IGF1R: variants seen among roughly 807,000 people sequenced by gnomAD.
IGF1R encodes insulin like growth factor 1 receptor, also known as insulin-like growth factor 1 receptor.
In IGF1R, 44 loss-of-function variants were observed where a neutral mutation model predicts 144.6. The observed-to-expected ratio is 0.30, with a 90% CI of 0.24 to 0.39. IGF1R has a LOEUF of 0.39. Among genes scored for constraint, IGF1R ranks in the 10% least tolerant of loss-of-function variants. IGF1R has a pLI of 1.00. For synonymous variants in IGF1R, 795 were observed against 722.8 expected, an observed-to-expected ratio of 1.10 and a Z score of -1.60; for missense variants, 1,355 against 1,833.7, an observed-to-expected ratio of 0.74 and a Z score of 4.77.
intron 1 of IGF1R, among the ~76,000 whole-genome samples, chr15:98,695,969 C>T (rs964462746): frequency 1.2e-4 from 18 of 147,996 alleles, no homozygotes; most frequent in Admixed American, 4.0e-4. Flanking sequence ...GGGTCTCTCC[C>T]CTGGCCCCTT....
intron 15 of IGF1R, among the ~76,000 whole-genome samples, chr15:98,931,205 A>G (rs189634016): frequency 1.7e-3 from 254 of 152,302 alleles, no homozygotes; most frequent in South Asian, 3.3e-3. Context: ...GCAGGCAAGG[A>G]AACAGCCCTC....
intron 2 of IGF1R, among the ~76,000 whole-genome samples, chr15:98,732,632 C>G (rs1430207906): frequency 6.6e-6 from 1 of 152,000 alleles, no homozygotes; most frequent in Non-Finnish European, 1.5e-5. Flanking sequence ...GAAGTTGGGG[C>G]AGGTAGAGGA....
chr15:98,664,889 T>C (rs2052693031), intron 1 of IGF1R, among the ~76,000 whole-genome samples: 1 of 152,012 alleles, frequency 6.6e-6, no homozygotes, highest in East Asian at 1.9e-4. Context: ...TGGGTGTGTA[T>C]TGATTCTGAT....
intron 2 of IGF1R, among the ~76,000 whole-genome samples, chr15:98,829,191 A>G (rs183855291): frequency 6.2e-4 from 94 of 152,336 alleles, no homozygotes; most frequent in African/African-American, 2.0e-3. Flanking sequence ...GGCATGTAGA[A>G]TGGCAGAAGA....
intron 2 of IGF1R, among the ~76,000 whole-genome samples, chr15:98,866,034 A>G (rs1225217214): frequency 2.6e-5 from 4 of 152,226 alleles, no homozygotes; most frequent in African/African-American, 7.2e-5. Flanking sequence ...TAGTGCACAT[A>G]TGCACGGGGC....
chr15:98,703,111 C>T (rs1335165177), intron 1 of IGF1R, among the ~76,000 whole-genome samples: 2 of 152,056 alleles, frequency 1.3e-5, no homozygotes, highest in East Asian at 3.9e-4. Flanking sequence ...CCCCACTGTC[C>T]CCATCTTCCA....
intron 2 of IGF1R, among the ~76,000 whole-genome samples, chr15:98,826,172 A>G (rs1456946587): frequency 2.0e-5 from 3 of 152,240 alleles, no homozygotes; most frequent in African/African-American, 7.2e-5. Context: ...AATCTGGATG[A>G]CTGCATATTG....
intron 15 of IGF1R, among the ~76,000 whole-genome samples, chr15:98,932,497 G>A (rs1567207590): frequency 6.6e-6 from 1 of 152,186 alleles, no homozygotes; most frequent in Admixed American, 6.5e-5. Flanking sequence ...GGGTTGAATC[G>A]AGAGAAAAGG....
Position 98,882,085 on chromosome 15 carries a change from C to T in IGF1R, c.641-9240C>T, listed in dbSNP as rs901987135. 2.6e-5 allele frequency among the ~76,000 whole-genome samples: 4 copies of T among 152,210 alleles called. 1 individual carries two copies. The highest frequency in any genetic ancestry group is 1.3e-4 in the Admixed American group (2 of 15,282). On this transcript the variant is annotated intron_variant, in intron 2 of 20. Transcript: ENST00000650285. ...ATCACACAGAGAAACGGCAAGCAAGCTGCTTTGGGCAAAAAAGAGCATTTC... is the reference window on the plus strand; with the variant it reads ...ATCACACAGAGAAACGGCAAGCAAGTTGCTTTGGGCAAAAAAGAGCATTTC...
chr15:98,927,127 G>A (rs2015752511), intron 13 of IGF1R, among the ~76,000 whole-genome samples: 1 of 152,200 alleles, frequency 6.6e-6, no homozygotes, highest in Non-Finnish European at 1.5e-5. Flanking sequence ...GTAAGTGCCA[G>A]GATGCCAGTG....
chr15:98,908,974 C>A, intron 6 of IGF1R, 75 bp downstream of exon 6: 3 of 1,340,850 alleles, frequency 2.2e-6, no homozygotes, highest in Non-Finnish European at 3.2e-6. Context: ...TGTGTGATGG[C>A]AGCTTTCCTC....
At chr15:98,779,701 G>A (rs1339995383) in intron 2 of IGF1R, among the ~76,000 whole-genome samples, 2 of 152,130 alleles carry the variant, frequency 1.3e-5, no homozygotes, top group African/African-American at 2.4e-5. Flanking sequence ...CACTTGACTC[G>A]AGCCTCTCCC....
At chr15:98,761,039 T>C (rs1286473187) in intron 2 of IGF1R, among the ~76,000 whole-genome samples, 1 of 152,260 alleles carries the variant, frequency 6.6e-6, no homozygotes, top group African/African-American at 2.4e-5. Flanking sequence ...TGTTGTCCTC[T>C]TGGTAGAGTC....
chr15:98,935,248 C>A lies in IGF1R; in HGVS notation c.3187-68C>A. ...AGGCCGCAGCACCACAGAGACAGTT[C>A]CAGACAACACAGGCATCAGCAAGGG... On this transcript the variant is annotated intron_variant, in intron 16 of 20. Transcript: ENST00000650285. The surrounding 1 kb of genome is among the most constrained non-coding windows in gnomAD (Gnocchi z 4.2). 8.9e-7 allele frequency: 1 copy of A among 1,117,588 alleles called. No homozygotes were observed. The highest frequency in any genetic ancestry group is 1.3e-5 in the South Asian group (1 of 74,684). 69.2% of individuals were successfully genotyped at this position (1,117,588 alleles called of 1,614,324 possible).
At chr15:98,893,722 G>A (rs1270578402) in intron 3 of IGF1R, among the ~76,000 whole-genome samples, 1 of 152,214 alleles carries the variant, frequency 6.6e-6, no homozygotes, top group Non-Finnish European at 1.5e-5. Context: ...AAGTGGGAAT[G>A]CTGTCCATTT....
chr15:98,869,994 C>T (rs1242046086), intron 2 of IGF1R, among the ~76,000 whole-genome samples: 1 of 151,672 alleles, frequency 6.6e-6, no homozygotes, highest in African/African-American at 2.4e-5. Context: ...GAGCATGGCC[C>T]TGGGAACACA....
chr15:98,672,613 A>G (rs2052924684), intron 1 of IGF1R, among the ~76,000 whole-genome samples: 1 of 151,482 alleles, frequency 6.6e-6, no homozygotes, highest in Non-Finnish European at 1.5e-5. Context: ...AAAAGTGCCT[A>G]CAGTTCAAAT....
At position 98,916,117 on chromosome 15, in the gene IGF1R, A is replaced by G. The variant is rs2015233627; in HGVS notation, c.1982A>G (p.Asn661Ser). 6.2e-7 allele frequency: 1 copy of G among 1,614,110 alleles called. No individual in the cohort carries two copies. The highest frequency in any genetic ancestry group is 8.5e-7 in the Non-Finnish European group (1 of 1,180,044). ...QPQDGYLYRH[N>S]YCSKDKIPIR... ...CAGGACGGCTACCTTTACCGGCACA[A>G]TTACTGCTCCAAAGGTAAGGGTGCA... Residue 661 changes from asparagine (N) to serine (S), a missense_variant, in exon 9 of 21, where the codon AAT becomes AGT. Asn to Ser is a conservative substitution (Grantham distance 46, BLOSUM62 1). Coordinates refer to ENST00000650285, the MANE Select transcript of IGF1R (RefSeq NM_000875.5).
intron 2 of IGF1R, among the ~76,000 whole-genome samples, chr15:98,826,219 T>C (rs916481671): frequency 1.3e-5 from 2 of 152,256 alleles, no homozygotes; most frequent in Admixed American, 6.5e-5. Flanking sequence ...CTAATACTTA[T>C]GTGCATACGC....
Sources: gnomAD v4.1 joint callset for allele counts (sites outside exome capture counted in the v4.1 genomes callset) on GRCh38, gnomAD v4.1.1 for gene constraint, Gnocchi (gnomAD v3.1) non-coding constraint, MANE v1.5 for transcripts, NCBI Gene and HGNC (gene_info 2026-07-23, HGNC 2026-07-21) for gene names.